ZNF236: variants seen among roughly 807,000 people sequenced by gnomAD.
ZNF236 encodes regulated by glucose.
A neutral mutation model predicts 191.2 loss-of-function variants in ZNF236; 50 were observed. The observed-to-expected ratio is 0.26, with a 90% CI of 0.21 to 0.33. The LOEUF (loss-of-function observed/expected upper bound fraction) is 0.33, where lower values mean the gene tolerates loss of function less well. ZNF236 is among the 10% of genes least tolerant of loss of function. The probability of loss-of-function intolerance (pLI) is 1.00; values close to 1 mark genes in which losing one functional copy is unlikely to be tolerated. For missense variants in ZNF236, 1,754 were observed against 2,374.5 expected (o/e 0.74, Z 5.43); for synonymous variants, 907 against 928.8 (o/e 0.98, Z 0.43).
In ZNF236 at chr18:76,927,480, G is replaced by A; in HGVS notation, c.4377G>A (p.Leu1459=). 1 of 1,614,182 alleles carries A rather than the reference G, an allele frequency of 6.2e-7. No individual in the cohort carries two copies. Among genetic ancestry groups the A allele is most frequent in the Non-Finnish European group, 8.5e-7 (1 of 1,180,060 alleles). ...VTSANLTIGP[L]SEQDSVLTTN... is the part of the protein sequence containing the mutation. ...CTGCGAACCTGACCATAGGCCCGCT[G>A]TCTGAGCAGGATTCAGTGCTGACCA... Residue 1459 remains leucine (L), a synonymous_variant, in exon 24 of 31, where the codon CTG becomes CTA. Transcript: ENST00000320610. This position sits in a 1 kb window ranked among gnomAD's most constrained non-coding sequence, Gnocchi z 5.4.
intron 9 of ZNF236, among the ~76,000 whole-genome samples, chr18:76,893,842 G>T (rs1322964371): frequency 6.6e-6 from 1 of 152,156 alleles, no homozygotes; most frequent in African/African-American, 2.4e-5. Context: ...AATTATTCTT[G>T]CAAAGAATAT....
intron 1 of ZNF236, among the ~76,000 whole-genome samples, chr18:76,839,339 C>T (rs1975417055): frequency 6.6e-6 from 1 of 151,556 alleles, no homozygotes; most frequent in Admixed American, 6.5e-5. Flanking sequence ...TTTTCATGCC[C>T]TCTGGCAATA....
At chr18:76,937,494 A>G (rs1968033957) in intron 26 of ZNF236, 151 bp downstream of exon 26, 1 of 706,562 alleles carries the variant, frequency 1.4e-6, no homozygotes, top group South Asian at 2.5e-5. Context: ...TACGGTAAAT[A>G]TAAAAGGGGA....
intron 27 of ZNF236, among the ~76,000 whole-genome samples, chr18:76,949,533 A>G (rs771736612): frequency 2.7e-4 from 41 of 152,242 alleles, no homozygotes; most frequent in Non-Finnish European, 5.1e-4. Flanking sequence ...ATTCAGTTCT[A>G]GAGCACTGCA....
At chr18:76,886,290 C>CCGCTG (rs1443072841) in intron 9 of ZNF236, 1 of 152,316 alleles carries the variant, frequency 6.6e-6, no homozygotes, top group African/African-American at 2.4e-5. Flanking sequence ...CCAAGCAGTT[C>CCGCTG]CGCTGCACGC....
intron 9 of ZNF236, chr18:76,886,306 C>T (rs9950129): frequency 0.024 from 3,647 of 152,426 alleles, 126 homozygotes; most frequent in African/African-American, 0.08. Flanking sequence ...CACGCTTTTG[C>T]GCTACAGTGT....
At chr18:76,948,572 C>G (rs1968325925) in intron 27 of ZNF236, among the ~76,000 whole-genome samples, 1 of 152,100 alleles carries the variant, frequency 6.6e-6, no homozygotes, top group Admixed American at 6.5e-5. Context: ...TGAGAACCAG[C>G]GGAAGGAAAA....
intron 27 of ZNF236, among the ~76,000 whole-genome samples, chr18:76,948,066 A>G (rs532020153): frequency 6.6e-6 from 1 of 152,138 alleles, no homozygotes; most frequent in South Asian, 2.1e-4. Flanking sequence ...ACATTTTCAT[A>G]TACGTGTGTG....
chr18:76,881,075 T>A (rs7241248), intron 8 of ZNF236, among the ~76,000 whole-genome samples: 30,788 of 152,122 alleles, frequency 0.2, 3,430 homozygotes, highest in Middle Eastern at 0.26. Context: ...GCTTATATTA[T>A]TTTGGGTGGG....
chr18:76,872,751 T>G (rs1244224049), intron 5 of ZNF236, among the ~76,000 whole-genome samples: 1 of 152,178 alleles, frequency 6.6e-6, no homozygotes, highest in Non-Finnish European at 1.5e-5. Context: ...TGTACGAATA[T>G]TTTTAGTATT....
intron 30 of ZNF236, among the ~76,000 whole-genome samples, chr18:76,967,578 G>A (rs1599434363): frequency 8.8e-4 from 11 of 12,484 alleles, no homozygotes; most frequent in Admixed American, 4.3e-3. Context: ...TGTGATCTGT[G>A]AGATTTGTGA....
chr18:76,865,343 A>T (rs190023452), intron 3 of ZNF236, among the ~76,000 whole-genome samples: 1 of 152,314 alleles, frequency 6.6e-6, no homozygotes, highest in East Asian at 1.9e-4. Context: ...ATCAAAAAAC[A>T]AAAAACAAAA....
At chr18:76,946,774 G>T (rs1348517775) in intron 26 of ZNF236, among the ~76,000 whole-genome samples, 1 of 152,166 alleles carries the variant, frequency 6.6e-6, no homozygotes, top group Non-Finnish European at 1.5e-5. Context: ...TGCTGGGCTG[G>T]TAAGAAGACT....
At position 76,828,329 on chromosome 18, in the gene ZNF236, G is replaced by T. The variant is rs1975072473; in HGVS notation, c.55+5667G>T. On this transcript the variant is annotated intron_variant, in intron 1 of 30. Coordinates refer to ENST00000320610, the MANE Select transcript of ZNF236 (RefSeq NM_001306089.2). ...TTACAGGTGCATGCCACCATGCCTGGCTAATTTTTTGTATTTTTACTAGGG... is the reference window on the plus strand; with the variant it reads ...TTACAGGTGCATGCCACCATGCCTGTCTAATTTTTTGTATTTTTACTAGGG... Among the ~76,000 whole-genome samples the T allele has an allele frequency of 4.6e-5, 7 of 152,146 alleles. No individual in the cohort carries two copies. In the South Asian group the frequency reaches 1.5e-3, roughly 32 times the overall value.
chr18:76,920,233 AG>A (rs1398563264), intron 20 of ZNF236, among the ~76,000 whole-genome samples, 175 bp downstream of exon 20: 1 of 152,302 alleles, frequency 6.6e-6, no homozygotes, highest in African/African-American at 2.4e-5. Flanking sequence ...AGTTCTCTGT[AG>A]TAAACTCATT....
At chr18:76,908,772 T>C (rs1350764032) in intron 14 of ZNF236, among the ~76,000 whole-genome samples, 199 bp downstream of exon 14, 1 of 152,220 alleles carries the variant, frequency 6.6e-6, no homozygotes, top group African/African-American at 2.4e-5. Flanking sequence ...TTATTAGATT[T>C]CTTAGGGGAA....
At chr18:76,932,313 C>T (rs564366839) in intron 25 of ZNF236, among the ~76,000 whole-genome samples, 1 of 152,216 alleles carries the variant, frequency 6.6e-6, no homozygotes, top group African/African-American at 2.4e-5. Flanking sequence ...CCCATGGTGG[C>T]CTTTAGCTGA....
intron 1 of ZNF236, among the ~76,000 whole-genome samples, chr18:76,823,986 T>C (rs1284851010): frequency 6.6e-6 from 1 of 151,666 alleles, no homozygotes; most frequent in Non-Finnish European, 1.5e-5. Flanking sequence ...TAAGGGGGAG[T>C]GGGCGCCTAG....
intron 25 of ZNF236, 35 bp downstream of exon 25, chr18:76,928,141 C>T: frequency 6.4e-7 from 1 of 1,559,500 alleles, no homozygotes; most frequent in Non-Finnish European, 8.7e-7. Flanking sequence ...TCTTTTCACC[C>T]TGCAATTTAA....
Sources: allele counts gnomAD v4.1 joint callset (sites outside exome capture counted in the v4.1 genomes callset), GRCh38; gene constraint gnomAD v4.1.1; non-coding constraint Gnocchi (gnomAD v3.1); transcripts MANE v1.5; gene names NCBI Gene and HGNC (gene_info 2026-07-23, HGNC 2026-07-21).